AMBP: variants seen among roughly 807,000 people sequenced by gnomAD.
AMBP encodes the protein protein AMBP.
AMBP carries 37 observed loss-of-function variants against 46.3 expected under a neutral mutation model. That is an observed-to-expected ratio of 0.80 (90% CI 0.61 to 1.05). The LOEUF (loss-of-function observed/expected upper bound fraction) is 1.05, where lower values mean the gene tolerates loss of function less well. Ranked by LOEUF, AMBP falls within the 50% of genes least tolerant of loss-of-function variation. The probability of loss-of-function intolerance (pLI) is 0.00; values close to 1 mark genes in which losing one functional copy is unlikely to be tolerated. For missense variants in AMBP, 475 were observed against 461.2 expected (o/e 1.03, Z -0.27); for synonymous variants, 174 against 175.9 (o/e 0.99, Z 0.09).
At chr9:114,071,517 C>CAGGAGGCTGACAGGCTCCTGAGTGGA (rs1846744621) in intron 5 of AMBP, among the ~76,000 whole-genome samples, 2 of 152,248 alleles carry the variant, frequency 1.3e-5, no homozygotes, top group African/African-American at 4.8e-5. Flanking sequence ...TGAATAGCAG[C>CAGGAGGCTGACAGGCTCCTGAGTGGA]AGGAGGCTGA....
chr9:114,077,137 G>A (rs1411867591), intron 1 of AMBP, among the ~76,000 whole-genome samples: 5 of 152,206 alleles, frequency 3.3e-5, no homozygotes, highest in African/African-American at 1.2e-4. Flanking sequence ...ACAGCCCCAT[G>A]TTAGGAATTA....
rs201957003 is a variant in AMBP at position 114,076,683 on chromosome 9, T to A, written c.175A>T (p.Ile59Phe). Reference sequence around the variant, plus strand: ...GTGCTCACTGTCATCCTGTCCATGATCTTCTTCAGCCAGGGGCAGGTGGAA... The same window carrying A: ...GTGCTCACTGTCATCCTGTCCATGAACTTCTTCAGCCAGGGGCAGGTGGAA... ...IGSTCPWLKK[I>F]MDRMTVSTLV... Residue 59 changes from isoleucine (I) to phenylalanine (F), a missense_variant, in exon 2 of 10, where the codon ATC (isoleucine) becomes TTC (phenylalanine). By Grantham distance (21) the Ile-to-Phe change is conservative. Around this residue, in one of 3 missense-constraint regions of AMBP, gnomAD observed 179 missense variants for 167.4 expected, o/e 1.07. Transcript: ENST00000265132. 2 of 1,613,984 alleles carry A rather than the reference T, an allele frequency of 1.2e-6. No individual in the cohort carries two copies. The highest frequency in any genetic ancestry group is 1.7e-5 in the Admixed American group (1 of 60,004).
chr9:114,076,497 G>A, intron 2 of AMBP, 101 bp downstream of exon 2: 2 of 1,523,616 alleles, frequency 1.3e-6, no homozygotes, highest in Non-Finnish European at 1.8e-6. Context: ...GGAAGGTCCT[G>A]ACTGGAAGCA....
intron 5 of AMBP, chr9:114,070,044 T>G (rs945466694): frequency 2.5e-6 from 1 of 404,210 alleles, no homozygotes; most frequent in African/African-American, 2.0e-5. Flanking sequence ...AGCACAGTGC[T>G]ATTGTACTTA....
At chr9:114,075,148 TTG>T in intron 2 of AMBP, 112 bp from the exon 3 acceptor site, 3 of 759,890 alleles carry the variant, frequency 3.9e-6, no homozygotes, top group Non-Finnish European at 4.3e-6. Context: ...GTTTTTTTGT[TTG>T]TGTGTTTTTG....
At chr9:114,068,370 C>T (rs545156982) in intron 6 of AMBP, among the ~76,000 whole-genome samples, 4 of 152,076 alleles carry the variant, frequency 2.6e-5, no homozygotes, top group South Asian at 4.1e-4. Context: ...GAGACCAAAG[C>T]GGGTAGATCT....
At position 114,060,267 on chromosome 9, in the gene AMBP, T is replaced by C. The variant is rs745435134; in HGVS notation, c.1031A>G (p.Asp344Gly). 1.9e-6 allele frequency: 3 copies of C among 1,613,344 alleles called. No homozygotes were observed. The South Asian group carries it at 3.3e-5, about 18-fold the overall frequency. ...GTTGGAGAAGCGCAGCAGCTCCTCATCACCTGTGGACACAGAGAGACTCAG... is the reference window on the plus strand; with the variant it reads ...GTTGGAGAAGCGCAGCAGCTCCTCACCACCTGTGGACACAGAGAGACTCAG... The part of the protein sequence containing the change: ...REYCGVPGDG[D>G]EELLRFSN Residue 344 changes from aspartate to glycine, a missense_variant, in exon 10 of 10, where the codon GAT (aspartate) becomes GGT (glycine). Physicochemically the swap from Asp to Gly is moderately conservative, Grantham distance 94 (BLOSUM62 -1). This residue lies in a region of AMBP where 293 missense variants were observed against 276.9 expected (regional missense o/e 1.06). Coordinates refer to ENST00000265132, the MANE Select transcript of AMBP (RefSeq NM_001633.4).
At chr9:114,070,118 AGAG>A (rs1332587556) in intron 5 of AMBP, among the ~76,000 whole-genome samples, 1 of 152,202 alleles carries the variant, frequency 6.6e-6, no homozygotes, top group African/African-American at 2.4e-5. Context: ...CCCAATTTAC[AGAG>A]GAGGGAAATG....
At chr9:114,076,454 G>T in intron 2 of AMBP, 144 bp downstream of exon 2, 2 of 1,199,856 alleles carry the variant, frequency 1.7e-6, no homozygotes, top group Non-Finnish European at 2.3e-6. Flanking sequence ...GGCCGTCCTG[G>T]TGGAGGAGCG....
intron 6 of AMBP, among the ~76,000 whole-genome samples, chr9:114,065,097 C>T (rs186917511): frequency 7.2e-5 from 11 of 152,268 alleles, no homozygotes; most frequent in South Asian, 2.1e-4. Flanking sequence ...GGATAATGAG[C>T]CCCATCCAGA....
intron 5 of AMBP, among the ~76,000 whole-genome samples, chr9:114,070,356 T>C (rs955929421): frequency 6.6e-6 from 1 of 152,064 alleles, no homozygotes; most frequent in Non-Finnish European, 1.5e-5. Context: ...CCCATCCTTA[T>C]GCAGCCAGGT....
chr9:114,065,978 G>A (rs1317710671), intron 6 of AMBP, among the ~76,000 whole-genome samples: 2 of 152,234 alleles, frequency 1.3e-5, no homozygotes, highest in Non-Finnish European at 2.9e-5. Flanking sequence ...AGCAATGGAT[G>A]TACTTTCTCA....
rs1030161713 is a variant in AMBP at position 114,075,155 on chromosome 9, T to C, written c.261-119A>G. 6.5e-5 allele frequency: 48 copies of C among 733,540 alleles called. No individual in the cohort carries two copies. In the Admixed American group the frequency reaches 1.3e-3, roughly 20 times the overall value. 45.4% of individuals were successfully genotyped at this position (733,540 alleles called of 1,614,324 possible). On this transcript the variant is annotated intron_variant, in intron 2 of 9. Transcript: ENST00000265132. Reference sequence around the variant, plus strand: ...GTTTTGGGGTTTTTTTGTTTGTGTGTTTTTGTTTGCTTTTTAATTCGGAAA... The same window carrying C: ...GTTTTGGGGTTTTTTTGTTTGTGTGCTTTTGTTTGCTTTTTAATTCGGAAA...
chr9:114,075,074 T>A (rs1225520418), intron 2 of AMBP, 38 bp from the exon 3 acceptor site: 2 of 1,576,170 alleles, frequency 1.3e-6, no homozygotes, highest in African/African-American at 2.7e-5. Context: ...TCACTCCTGG[T>A]AGAGATCATG....
At chr9:114,076,334 G>A (rs1846806551) in intron 2 of AMBP, among the ~76,000 whole-genome samples, 1 of 152,012 alleles carries the variant, frequency 6.6e-6, no homozygotes. Context: ...TCCCTGGGGG[G>A]CTGAAGTACC....
chr9:114,065,247 C>T (rs907961550), intron 6 of AMBP, among the ~76,000 whole-genome samples: 11 of 152,150 alleles, frequency 7.2e-5, no homozygotes, highest in African/African-American at 2.7e-4. Context: ...TGTTCAGATG[C>T]AATTAATTAA....
At chr9:114,063,760 TG>T (rs746967941) in intron 6 of AMBP, among the ~76,000 whole-genome samples, 3 of 152,194 alleles carry the variant, frequency 2.0e-5, no homozygotes, top group Non-Finnish European at 2.9e-5. Flanking sequence ...GTGATGGAAA[TG>T]AATATGTGAA....
At chr9:114,077,748 G>T in intron 1 of AMBP, 1 of 255,356 alleles carries the variant, frequency 3.9e-6, no homozygotes, top group Non-Finnish European at 7.7e-6. Flanking sequence ...CATTAGAGAA[G>T]GAAGGGCTGG....
chr9:114,061,034 A>G lies in AMBP; in HGVS notation c.918T>C (p.Asp306=), dbSNP rs751058880. The G allele has an allele frequency of 5.0e-6, 8 of 1,614,132 alleles. No individual in the cohort carries two copies. The East Asian group carries it at 8.9e-5, about 18-fold the overall frequency. ...CRAFIQLWAF[D]AVKGKCVLFP... Reference sequence around the variant, plus strand: ...AGAGGACGCACTTCCCCTTGACAGCATCAAATGCCCAGAGCTGGATGAAGG... The same window carrying G: ...AGAGGACGCACTTCCCCTTGACAGCGTCAAATGCCCAGAGCTGGATGAAGG... Residue 306 remains aspartate, a synonymous_variant, in exon 9 of 10, where the codon GAT becomes GAC. Coordinates refer to ENST00000265132, the MANE Select transcript of AMBP (RefSeq NM_001633.4).
Sources: allele counts gnomAD v4.1 joint callset (sites outside exome capture counted in the v4.1 genomes callset), GRCh38; gene constraint gnomAD v4.1.1; regional missense constraint gnomAD v4.1.1; transcripts MANE v1.5; gene names NCBI Gene and HGNC (gene_info 2026-07-23, HGNC 2026-07-21).